SLC22A7: variants seen among roughly 807,000 people sequenced by gnomAD.
SLC22A7 encodes hOAT2.
In SLC22A7, 48 loss-of-function variants were observed where a neutral mutation model predicts 62.2. The observed-to-expected ratio is 0.77, with a 90% CI of 0.61 to 0.98. The LOEUF (loss-of-function observed/expected upper bound fraction) is 0.98. Ranked by LOEUF, SLC22A7 falls within the 50% of genes least tolerant of loss-of-function variation. The probability of loss-of-function intolerance (pLI) is 0.00; values close to 1 mark genes in which losing one functional copy is unlikely to be tolerated. For synonymous variants in SLC22A7, 276 were observed against 314.8 expected (o/e 0.88, Z 1.30); for missense variants, 581 against 703.8 (o/e 0.83, Z 1.97).
chr6:43,301,826 TG>T, intron 7 of SLC22A7, 134 bp downstream of exon 7: 1 of 645,998 alleles, frequency 1.5e-6, no homozygotes, highest in Non-Finnish European at 2.6e-6. Flanking sequence ...TAAACCTCCA[TG>T]GGCGATCTGC....
intron 9 of SLC22A7, among the ~76,000 whole-genome samples, chr6:43,303,496 T>TAAG (rs202195843): frequency 0.053 from 7,944 of 150,452 alleles, 269 homozygotes; most frequent in Middle Eastern, 0.11. Flanking sequence ...ATAATAATAA[T>TAAG]AATAAGAAGA....
In SLC22A7 at chr6:43,299,863, C is replaced by T. The variant is rs777840328; in HGVS notation, c.659-35C>T. On this transcript the variant is annotated intron_variant, in intron 4 of 10. Coordinates refer to ENST00000372585, the MANE Select transcript of SLC22A7 (RefSeq NM_153320.2). The surrounding 1 kb of genome is among the most constrained non-coding windows in gnomAD (Gnocchi z 4.4). Reference sequence around the variant, plus strand: ...AGTGAGGCTGAGCCCATCTGGTCCTCACTAACCATCTTCCTGTCTCCTGTC... The same window carrying T: ...AGTGAGGCTGAGCCCATCTGGTCCTTACTAACCATCTTCCTGTCTCCTGTC... 3.7e-6 allele frequency: 6 copies of T among 1,614,100 alleles called. No homozygotes were observed. In the Admixed American group the frequency reaches 8.3e-5, roughly 22 times the overall value.
chr6:43,299,052 A>G lies in SLC22A7; in HGVS notation c.394-40A>G. The G allele has an allele frequency of 6.5e-7, 1 of 1,542,316 alleles. No homozygotes were observed. Among genetic ancestry groups the G allele is most frequent in the Non-Finnish European group, 8.8e-7 (1 of 1,141,124 alleles). ...GCAATTTCTGCAGCAAGAGGTGGAGAAACAATAGAGGCCTTCTTTTCTCCC... is the reference window on the plus strand; with the variant it reads ...GCAATTTCTGCAGCAAGAGGTGGAGGAACAATAGAGGCCTTCTTTTCTCCC... On this transcript the variant is annotated intron_variant, in intron 1 of 10. Transcript: ENST00000372585. The surrounding 1 kb of genome is among the most constrained non-coding windows in gnomAD (Gnocchi z 4.4).
chr6:43,301,859 G>A (rs1778763806), intron 7 of SLC22A7, among the ~76,000 whole-genome samples, 167 bp downstream of exon 7: 1 of 152,176 alleles, frequency 6.6e-6, no homozygotes, highest in South Asian at 2.1e-4. Flanking sequence ...AGAAAATGAA[G>A]CAGGTAGCAG....
At chr6:43,303,759 C>G (rs75265455) in intron 9 of SLC22A7, among the ~76,000 whole-genome samples, 1 of 152,224 alleles carries the variant, frequency 6.6e-6, no homozygotes, top group African/African-American at 2.4e-5. Context: ...TCCACATCAC[C>G]CTTTCCTTAT....
At chr6:43,300,777 T>G (rs1264623132) in intron 5 of SLC22A7, among the ~76,000 whole-genome samples, 8 of 152,158 alleles carry the variant, frequency 5.3e-5, no homozygotes, top group Non-Finnish European at 8.8e-5. Flanking sequence ...ACTACAGGCG[T>G]GTGCCACCAC....
At chr6:43,301,067 A>G (rs769904415) in intron 5 of SLC22A7, 68 bp from the exon 6 acceptor site, 46 of 1,598,284 alleles carry the variant, frequency 2.9e-5, no homozygotes, top group Non-Finnish European at 3.9e-5. Context: ...GAGAGCCTGT[A>G]GTATGTCCAG....
At position 43,302,766 on chromosome 6, in the gene SLC22A7, G is replaced by A. The variant is rs368010431; in HGVS notation, c.1385+3G>A. 91 of 1,592,244 alleles carry A rather than the reference G, an allele frequency of 5.7e-5. No individual in the cohort carries two copies. The African/African-American group carries it at 1.1e-3, about 19-fold the overall frequency. ...GAGTTGTACCCTACGGTGCTCAGGT[G>A]AGGAAGCCTGCAACTGATCTGGGGG... On this transcript the variant is annotated splice_donor_region_variant and intron_variant, in intron 9 of 10. Coordinates refer to ENST00000372585, the MANE Select transcript of SLC22A7 (RefSeq NM_153320.2). This position sits in a 1 kb window ranked among gnomAD's most constrained non-coding sequence, Gnocchi z 5.0.
At chr6:43,298,959 A>C (rs1778635177) in intron 1 of SLC22A7, 133 bp from the exon 2 acceptor site, 2 of 1,145,504 alleles carry the variant, frequency 1.7e-6, no homozygotes, top group Non-Finnish European at 2.5e-6. Flanking sequence ...ATCATCATTA[A>C]TTGGGAGGTG....
rs1778662952 is a variant in SLC22A7 at position 43,299,603 on chromosome 6, T to C, written c.504-24T>C. On this transcript the variant is annotated intron_variant, in intron 3 of 10. Coordinates refer to ENST00000372585, the MANE Select transcript of SLC22A7 (RefSeq NM_153320.2). This position sits in a 1 kb window ranked among gnomAD's most constrained non-coding sequence, Gnocchi z 4.4. ...CTTAGAACCTCCTTCCACAGGGAACTGACCCTGCATGACCCCTTTGCAGGT... is the reference window on the plus strand; with the variant it reads ...CTTAGAACCTCCTTCCACAGGGAACCGACCCTGCATGACCCCTTTGCAGGT... The C allele has an allele frequency of 6.2e-7, 1 of 1,614,140 alleles. No homozygotes were observed. The highest frequency in any genetic ancestry group is 8.5e-7 in the Non-Finnish European group (1 of 1,179,994).
In SLC22A7 at chr6:43,301,584, C is replaced by T. The variant is rs780650832; in HGVS notation, c.953C>T (p.Ala318Val). 3.1e-6 allele frequency: 5 copies of T among 1,612,900 alleles called. No homozygotes were observed. In the Middle Eastern group the frequency reaches 5.0e-4, roughly 160 times the overall value. Residue 318 changes from alanine (A) to valine (V), a missense_variant and splice_region_variant, in exon 7 of 11, where the codon GCT becomes GTT. Ala to Val is a moderately conservative substitution (Grantham distance 64). Transcript: ENST00000372585. ...CAACCTCACCTCCTTCCCTACCAGGCTGTGAGCAAAGTGGCCGCCGGGGAA... is the reference window on the plus strand; with the variant it reads ...CAACCTCACCTCCTTCCCTACCAGGTTGTGAGCAAAGTGGCCGCCGGGGAA... ...PVCEDSFSQE[A>V]VSKVAAGERV... is the part of the protein sequence containing the mutation.
intron 5 of SLC22A7, chr6:43,300,275 C>T (rs1778693545): frequency 1.6e-6 from 1 of 613,684 alleles, no homozygotes; most frequent in African/African-American, 1.8e-5. Context: ...AAACAGAGAA[C>T]AAGATACAGA....
At chr6:43,298,777 C>T (rs756204611) in intron 1 of SLC22A7, 26 bp downstream of exon 1, 1 of 1,516,352 alleles carries the variant, frequency 6.6e-7, no homozygotes, top group Admixed American at 2.3e-5. Flanking sequence ...AGTTGAGAGA[C>T]ATGTGAGAGG....
rs1778625914 is a variant in SLC22A7, at chr6:43,298,718, C to T, written c.360C>T (p.Asp120=). The T allele has an allele frequency of 1.3e-6, 2 of 1,525,858 alleles. No individual in the cohort carries two copies. The allele number at this position is 1,525,858 out of a possible 1,614,324, so 94.5% of individuals were successfully genotyped here. The change falls in exon 1 of 11, where the codon GAC becomes GAT. Residue 120 remains aspartate, a synonymous_variant. Coordinates refer to ENST00000372585, the MANE Select transcript of SLC22A7 (RefSeq NM_153320.2). ...TVPCSQGWEY[D]HSEFSSTIAT... is the part of the protein sequence containing the mutation. Reference sequence around the variant, plus strand: ...CCTGCTCTCAGGGCTGGGAGTACGACCACTCAGAATTCTCCTCTACCATTG... The same window carrying T: ...CCTGCTCTCAGGGCTGGGAGTACGATCACTCAGAATTCTCCTCTACCATTG...
Position 43,301,631 on chromosome 6 carries a change from T to C in SLC22A7, c.1000T>C (p.Tyr334His). Residue 334 changes from tyrosine (Y) to histidine (H), a missense_variant, in exon 7 of 11, where the codon TAC becomes CAC. By Grantham distance (83) the Tyr-to-His change is moderately conservative. Coordinates refer to ENST00000372585, the MANE Select transcript of SLC22A7 (RefSeq NM_153320.2). ...AGERVVRRPS[Y>H]LDLFRTPRLR... ...GGAACGGGTGGTCCGAAGACCTTCA[T>C]ACCTAGACCTGTTCCGCACACCACG... is the stretch of plus-strand genomic sequence containing the variant. The C allele has an allele frequency of 6.2e-7, 1 of 1,614,154 alleles. No individual in the cohort carries two copies. Among genetic ancestry groups the C allele is most frequent in the Non-Finnish European group, 8.5e-7 (1 of 1,180,010 alleles).
In SLC22A7 at chr6:43,298,437, C is replaced by T. The variant is rs772218104; in HGVS notation, c.79C>T (p.Pro27Ser). ...GCGGAATGTGGCACTGCTGGCCCTG[C>T]CCCGAGTGCTGCTACCACTGCACTT... ...QLRNVALLAL[P>S]RVLLPLHFLL... is the part of the protein sequence containing the mutation. Residue 27 changes from proline to serine, a missense_variant, in exon 1 of 11, where the codon CCC becomes TCC. By Grantham distance (74) the Pro-to-Ser change is moderately conservative. Transcript: ENST00000372585. 7.4e-6 allele frequency: 12 copies of T among 1,614,054 alleles called. No individual in the cohort carries two copies. Among genetic ancestry groups the T allele is most frequent in the African/African-American group, 2.7e-5 (2 of 75,066 alleles).
At position 43,301,123 on chromosome 6, in the gene SLC22A7, G is replaced by A. The variant is rs1225534374; in HGVS notation, c.828-12G>A. The stretch of plus-strand genomic sequence containing the variant: ...TGACTTTCTGGCTGATGGACCTTCT[G>A]CCTATTCCTAGGTGGGTGCCTGAGT... On this transcript the variant is annotated splice_polypyrimidine_tract_variant and intron_variant, in intron 5 of 10. Coordinates refer to ENST00000372585, the MANE Select transcript of SLC22A7 (RefSeq NM_153320.2). 1 of 1,614,140 alleles carries A rather than the reference G, an allele frequency of 6.2e-7. No individual in the cohort carries two copies. Among genetic ancestry groups the A allele is most frequent in the Admixed American group, 1.7e-5 (1 of 60,030 alleles).
chr6:43,301,596 T>G lies in SLC22A7; in HGVS notation c.965T>G (p.Val322Gly), dbSNP rs755426914. 2 of 1,614,044 alleles carry G rather than the reference T, an allele frequency of 1.2e-6. No homozygotes were observed. The highest frequency in any genetic ancestry group is 1.7e-6 in the Non-Finnish European group (2 of 1,179,952). The part of the protein sequence containing the change: ...DSFSQEAVSK[V>G]AAGERVVRRP... ...CTTCCCTACCAGGCTGTGAGCAAAGTGGCCGCCGGGGAACGGGTGGTCCGA... is the reference window on the plus strand; with the variant it reads ...CTTCCCTACCAGGCTGTGAGCAAAGGGGCCGCCGGGGAACGGGTGGTCCGA... Residue 322 changes from valine to glycine, a missense_variant, in exon 7 of 11, where the codon GTG becomes GGG. By Grantham distance (109) the Val-to-Gly change is moderately radical. Coordinates refer to ENST00000372585, the MANE Select transcript of SLC22A7 (RefSeq NM_153320.2).
chr6:43,300,213 AAGAGACAG>A, intron 5 of SLC22A7, 147 bp downstream of exon 5: 2 of 809,906 alleles, frequency 2.5e-6, no homozygotes, highest in Non-Finnish European at 3.8e-6. Context: ...CACAGAGAAA[AAGAGACAG>A]AGAGACAGAG....
Sources: allele counts gnomAD v4.1 joint callset (sites outside exome capture counted in the v4.1 genomes callset), GRCh38; gene constraint gnomAD v4.1.1; non-coding constraint Gnocchi (gnomAD v3.1); transcripts MANE v1.5; gene names NCBI Gene and HGNC (gene_info 2026-07-23, HGNC 2026-07-21).